The following ESCO1 variants were observed in gnomAD, a reference collection of about 807,000 sequenced individuals.
The protein encoded by ESCO1 is N-acetyltransferase ESCO1.
ESCO1 carries 33 observed loss-of-function variants against 83.5 expected under a neutral mutation model. That is an observed-to-expected ratio of 0.40 (90% CI 0.30 to 0.53). The LOEUF is 0.53. ESCO1 is among the 20% of genes least tolerant of loss of function. The pLI is 0.63. For missense variants in ESCO1, 855 were observed against 968.0 expected (o/e 0.88, Z 1.55); for synonymous variants, 332 against 324.3 (o/e 1.02, Z -0.25).
intron 8 of ESCO1, among the ~76,000 whole-genome samples, chr18:21,541,608 AAAAG>A (rs1424379461): frequency 1.9e-4 from 29 of 148,924 alleles, no homozygotes; most frequent in African/African-American, 7.2e-4. Context: ...AAAAAAAAAA[AAAAG>A]AAAGAAAGTA....
At position 21,573,741 on chromosome 18, in the gene ESCO1, C is replaced by T; in HGVS notation, c.1103G>A (p.Ser368Asn). 6.2e-7 allele frequency: 1 copy of T among 1,614,046 alleles called. No individual in the cohort carries two copies. The highest frequency in any genetic ancestry group is 8.5e-7 in the Non-Finnish European group (1 of 1,180,010). Residue 368 changes from serine (S) to asparagine (N), a missense_variant, in exon 4 of 12, where the codon AGT (serine) becomes AAT (asparagine). Transcript: ENST00000269214. The stretch of plus-strand genomic sequence containing the variant: ...ACATTTCACAGGCTTTGTTTTTCTA[C>T]TTGGGAAAAAACGATTACATTGCAC... Reference protein sequence around the residue: ...QDVQCNRFFPSRKTKPVKCIL... With the variant: ...QDVQCNRFFPNRKTKPVKCIL...
intron 2 of ESCO1, among the ~76,000 whole-genome samples, chr18:21,580,760 C>T (rs2038490691): frequency 6.6e-6 from 1 of 152,160 alleles, no homozygotes. Flanking sequence ...GAGGCCAAGG[C>T]AGGCGGATCT....
chr18:21,558,144 C>G (rs201298737), intron 8 of ESCO1, among the ~76,000 whole-genome samples: 1 of 151,846 alleles, frequency 6.6e-6, no homozygotes. Context: ...TGCCACCACG[C>G]CCAGCTAACT....
chr18:21,564,353 C>G (rs2038230262), intron 6 of ESCO1, 36 bp from the exon 7 acceptor site: 1 of 1,309,136 alleles, frequency 7.6e-7, no homozygotes. Flanking sequence ...GTTACAGATC[C>G]AAGTCATTTC....
rs571171913 is a variant in ESCO1 at position 21,545,668 on chromosome 18, C to T, written c.1954-5659G>A. On this transcript the variant is annotated intron_variant, in intron 8 of 11. Transcript: ENST00000269214. Reference sequence around the variant, plus strand: ...TTGAGGCCGGGCGCAGTGGCTCACACTTGTAATCCCAGCACTTTGGGAGGC... The same window carrying T: ...TTGAGGCCGGGCGCAGTGGCTCACATTTGTAATCCCAGCACTTTGGGAGGC... 1.6e-4 allele frequency among the ~76,000 whole-genome samples: 24 copies of T among 152,136 alleles called. No individual in the cohort carries two copies. The South Asian group carries it at 5.0e-3, about 32-fold the overall frequency.
chr18:21,563,575 C>T (rs920938549), intron 7 of ESCO1, among the ~76,000 whole-genome samples: 6 of 152,106 alleles, frequency 3.9e-5, no homozygotes, highest in African/African-American at 1.4e-4. Flanking sequence ...CTCAAACTCC[C>T]GACCTCAGGT....
chr18:21,551,112 CAAAAAAAAAA>C (rs57346736), intron 8 of ESCO1, among the ~76,000 whole-genome samples: 1 of 75,280 alleles, frequency 1.3e-5, no homozygotes, highest in Non-Finnish European at 2.5e-5. Flanking sequence ...AACTCTGTCT[CAAAAAAAAAA>C]AAAAAAAGAA....
At chr18:21,564,981 CAGG>C (rs1426118753) in intron 6 of ESCO1, among the ~76,000 whole-genome samples, 1 of 152,072 alleles carries the variant, frequency 6.6e-6, no homozygotes, top group African/African-American at 2.4e-5. Flanking sequence ...GAGGCTGAGG[CAGG>C]AGAATTGCTT....
chr18:21,571,411 AC>A (rs1281079470), intron 4 of ESCO1, among the ~76,000 whole-genome samples: 2 of 151,914 alleles, frequency 1.3e-5, no homozygotes, highest in East Asian at 3.9e-4. Flanking sequence ...CTGGTCTCGA[AC>A]TCCTGACCTC....
intron 1 of ESCO1, 103 bp downstream of exon 1, chr18:21,600,520 C>T (rs1407481446): frequency 6.6e-6 from 1 of 152,448 alleles, no homozygotes; most frequent in Admixed American, 6.5e-5. Flanking sequence ...AACACGCCAC[C>T]GAGGGTGGAA....
intron 9 of ESCO1, among the ~76,000 whole-genome samples, chr18:21,537,075 T>C (rs1448969518): frequency 6.6e-6 from 1 of 152,186 alleles, no homozygotes; most frequent in Non-Finnish European, 1.5e-5. Flanking sequence ...ATTAGACATC[T>C]AGAAAATCAA....
chr18:21,547,971 G>C (rs2037995076), intron 8 of ESCO1, among the ~76,000 whole-genome samples: 3 of 152,060 alleles, frequency 2.0e-5, no homozygotes, highest in African/African-American at 7.2e-5. Context: ...GCATGGTGGA[G>C]AGTGCCTGTA....
At chr18:21,593,676 T>C (rs2038719323) in intron 1 of ESCO1, among the ~76,000 whole-genome samples, 1 of 151,114 alleles carries the variant, frequency 6.6e-6, no homozygotes, top group African/African-American at 2.4e-5. Context: ...CAATTCTTAA[T>C]GCATTTCAAC....
At chr18:21,539,031 G>T (rs756553693) in intron 9 of ESCO1, among the ~76,000 whole-genome samples, 13 of 151,864 alleles carry the variant, frequency 8.6e-5, no homozygotes, top group South Asian at 2.1e-4. Flanking sequence ...AACACTTGAA[G>T]TATGGAACTC....
intron 2 of ESCO1, among the ~76,000 whole-genome samples, chr18:21,578,414 A>G (rs191478674): frequency 1.3e-5 from 2 of 152,262 alleles, no homozygotes; most frequent in Admixed American, 1.3e-4. Flanking sequence ...ATGGGAGAAA[A>G]AAAAGTAAGA....
intron 1 of ESCO1, among the ~76,000 whole-genome samples, chr18:21,587,297 T>TC (rs1236852148): frequency 6.6e-6 from 1 of 152,196 alleles, no homozygotes; most frequent in African/African-American, 2.4e-5. Flanking sequence ...AAGAGATCCC[T>TC]CCTTTTCTAT....
In ESCO1 at chr18:21,532,609, TTTC is replaced by T; in HGVS notation, c.2236_2238del (p.Glu746del). The T allele has an allele frequency of 6.2e-7, 1 of 1,614,176 alleles. No homozygotes were observed. Among genetic ancestry groups the T allele is most frequent in the Non-Finnish European group, 8.5e-7 (1 of 1,180,028 alleles). On this transcript the variant is annotated inframe_deletion, in exon 11 of 12. Coordinates refer to ENST00000269214, the MANE Select transcript of ESCO1 (RefSeq NM_052911.3). ...GCTTTTTGCCTTTCAAATCTGACTT[TTTC>T]TTCTTCTGACCTGATAACTGGAAGT...
chr18:21,574,615 C>A lies in ESCO1; in HGVS notation c.229G>T (p.Asp77Tyr), dbSNP rs759031262. Residue 77 changes from aspartate to tyrosine, a missense_variant, in exon 4 of 12, where the codon GAT (aspartate) becomes TAT (tyrosine). Transcript: ENST00000269214. ...TTATTAATGGATTTAGTAGCTTTAT[C>A]ATTAGATGCTGCCTTTGATGACCTT... ...STRSSKAASN[D>Y]KATKSINKNT... is the part of the protein sequence containing the mutation. 7.4e-6 allele frequency: 12 copies of A among 1,613,860 alleles called. No homozygotes were observed. The highest frequency in any genetic ancestry group is 1.0e-5 in the Non-Finnish European group (12 of 1,179,992).
intron 1 of ESCO1, among the ~76,000 whole-genome samples, chr18:21,594,677 C>A (rs1437274126): frequency 6.7e-6 from 1 of 148,336 alleles, no homozygotes; most frequent in African/African-American, 2.5e-5. Context: ...GAACTCCAGC[C>A]TGTGCAACTG....
Sources: gnomAD v4.1 joint callset for allele counts (sites outside exome capture counted in the v4.1 genomes callset) on GRCh38, gnomAD v4.1.1 for gene constraint, MANE v1.5 for transcripts, NCBI Gene and HGNC (gene_info 2026-07-23, HGNC 2026-07-21) for gene names.